Variants in CTNNA3 observed in about 807,000 individuals in gnomAD.
The protein encoded by CTNNA3 is catenin alpha-3.
A neutral mutation model predicts 95.7 loss-of-function variants in CTNNA3; 76 were observed. The observed-to-expected ratio is 0.79, with a 90% CI of 0.66 to 0.96. The LOEUF is 0.96. Ranked by LOEUF, CTNNA3 falls within the 40% of genes least tolerant of loss-of-function variation. CTNNA3 has a pLI of 0.00. For missense variants in CTNNA3, 1,191 were observed against 1,089.8 expected (o/e 1.09, Z -1.31); for synonymous variants, 431 against 374.4 (o/e 1.15, Z -1.74).
chr10:66,597,325 T>G (rs970961062), intron 10 of CTNNA3, among the ~76,000 whole-genome samples: 5 of 151,104 alleles, frequency 3.3e-5, no homozygotes, highest in African/African-American at 1.2e-4. Context: ...CCCAAAGGAT[T>G]CATAAAAAAG....
rs564789956 is a variant in CTNNA3 at position 66,212,570 on chromosome 10, C to T, written c.1884+67900G>A. Reference sequence around the variant, plus strand: ...TTTTTTGATGCTTTTGAAGAGGGTGCAACAAAGTAATTGAGGGCAAATGCT... The same window carrying T: ...TTTTTTGATGCTTTTGAAGAGGGTGTAACAAAGTAATTGAGGGCAAATGCT... On this transcript the variant is annotated intron_variant, in intron 13 of 17. Transcript: ENST00000433211. 4.6e-3 allele frequency among the ~76,000 whole-genome samples: 703 copies of T among 151,904 alleles called. 2 individuals carry two copies. Among genetic ancestry groups the T allele is most frequent in the Non-Finnish European group, 6.5e-3 (443 of 67,990 alleles).
chr10:67,026,459 T>C (rs191444021), intron 7 of CTNNA3, among the ~76,000 whole-genome samples: 2 of 151,878 alleles, frequency 1.3e-5, no homozygotes, highest in Non-Finnish European at 2.9e-5. Context: ...CAAAATAATA[T>C]AACAAAACAA....
intron 13 of CTNNA3, among the ~76,000 whole-genome samples, chr10:66,259,518 G>A (rs1303823774): frequency 6.6e-6 from 1 of 152,022 alleles, no homozygotes; most frequent in East Asian, 1.9e-4. Flanking sequence ...TCTTATCTGA[G>A]GAATTTAGAA....
At chr10:67,292,822 G>A (rs911509372) in intron 5 of CTNNA3, among the ~76,000 whole-genome samples, 1 of 152,084 alleles carries the variant, frequency 6.6e-6, no homozygotes, top group African/African-American at 2.4e-5. Flanking sequence ...AATCATTGTG[G>A]TTTGAGATGT....
At chr10:66,362,570 G>A (rs902460942) in intron 12 of CTNNA3, among the ~76,000 whole-genome samples, 7 of 151,910 alleles carry the variant, frequency 4.6e-5, no homozygotes, top group Admixed American at 1.3e-4. Context: ...AAAATTAGCC[G>A]GGTGTGGTGG....
intron 2 of CTNNA3, among the ~76,000 whole-genome samples, chr10:67,613,748 G>A (rs1843544743): frequency 6.6e-6 from 1 of 151,224 alleles, no homozygotes; most frequent in Non-Finnish European, 1.5e-5. Flanking sequence ...AGTTTTCTAG[G>A]GCTGCCATAA....
At chr10:67,436,397 T>C (rs1846300152) in intron 5 of CTNNA3, among the ~76,000 whole-genome samples, 1 of 152,104 alleles carries the variant, frequency 6.6e-6, no homozygotes, top group Admixed American at 6.6e-5. Context: ...AAAACCCTTC[T>C]AGACATTGGC....
chr10:66,742,172 C>T lies in CTNNA3; in HGVS notation c.1281+24092G>A, dbSNP rs1050022861. On this transcript the variant is annotated intron_variant, in intron 9 of 17. Transcript: ENST00000433211. ...CAGCAAGGAACGTCCCTGAGAAAGACAATGTGTCCCTGAGGGGAAGCCTCT... is the reference window on the plus strand; with the variant it reads ...CAGCAAGGAACGTCCCTGAGAAAGATAATGTGTCCCTGAGGGGAAGCCTCT... Among the ~76,000 whole-genome samples, 6 of 152,092 alleles carry T rather than the reference C, an allele frequency of 3.9e-5. No homozygotes were observed. The South Asian group carries it at 6.2e-4, about 16-fold the overall frequency.
At chr10:66,329,295 G>T (rs2132312439) in intron 12 of CTNNA3, among the ~76,000 whole-genome samples, 1 of 151,812 alleles carries the variant, frequency 6.6e-6, no homozygotes, top group South Asian at 2.1e-4. Flanking sequence ...CTCTATTCTG[G>T]GACCTCAATA....
intron 5 of CTNNA3, among the ~76,000 whole-genome samples, chr10:67,243,967 G>A (rs1865811770): frequency 1.3e-5 from 2 of 152,188 alleles, no homozygotes. Flanking sequence ...ATAGGAACTA[G>A]CTGAGAGTAA....
chr10:67,457,778 A>AG (rs1250133892), intron 5 of CTNNA3, among the ~76,000 whole-genome samples: 2 of 152,084 alleles, frequency 1.3e-5, no homozygotes, highest in Non-Finnish European at 2.9e-5. Flanking sequence ...CTGTTCTCAA[A>AG]GCCAGCAACA....
chr10:66,544,344 T>G (rs560454627), intron 10 of CTNNA3, among the ~76,000 whole-genome samples: 48 of 152,146 alleles, frequency 3.2e-4, no homozygotes, highest in African/African-American at 1.2e-3. Flanking sequence ...ATCCTAAAGC[T>G]TGAGAAGACC....
chr10:67,637,038 A>G (rs148696323), intron 2 of CTNNA3, among the ~76,000 whole-genome samples: 1 of 149,686 alleles, frequency 6.7e-6, no homozygotes, highest in African/African-American at 2.6e-5. Context: ...AGTTGAGAGA[A>G]GAAGACTTCA....
chr10:67,389,226 C>T (rs537154752), intron 5 of CTNNA3, among the ~76,000 whole-genome samples: 1 of 151,590 alleles, frequency 6.6e-6, no homozygotes, highest in African/African-American at 2.4e-5. Context: ...ATCTACCAAG[C>T]AAATGGAAAA....
intron 6 of CTNNA3, among the ~76,000 whole-genome samples, chr10:67,183,051 G>A (rs964981588): frequency 1.3e-5 from 2 of 152,194 alleles, no homozygotes; most frequent in South Asian, 4.1e-4. Context: ...AGGTGCTGGA[G>A]AGGATATGGA....
chr10:67,564,076 A>T (rs28834187), intron 3 of CTNNA3, among the ~76,000 whole-genome samples: 1 of 149,806 alleles, frequency 6.7e-6, no homozygotes, highest in African/African-American at 2.5e-5. Context: ...ATTGTCGAAG[A>T]CAGTGTGGCG....
At chr10:66,208,942 T>G (rs907813407) in intron 13 of CTNNA3, among the ~76,000 whole-genome samples, 1 of 151,966 alleles carries the variant, frequency 6.6e-6, no homozygotes, top group African/African-American at 2.4e-5. Flanking sequence ...ACCAAAACCA[T>G]CCTAAGAATA....
intron 9 of CTNNA3, among the ~76,000 whole-genome samples, chr10:66,709,634 C>T (rs1172908655): frequency 6.6e-6 from 1 of 151,984 alleles, no homozygotes; most frequent in African/African-American, 2.4e-5. Context: ...ATATTGATTA[C>T]AAAAGTATGA....
chr10:66,179,033 C>T (rs111628505), intron 13 of CTNNA3, among the ~76,000 whole-genome samples: 7,179 of 151,962 alleles, frequency 0.047, 212 homozygotes, highest in African/African-American at 0.066. Context: ...ATTACATAAT[C>T]AGCAATTGCC....
Sources: allele counts gnomAD v4.1 joint callset (sites outside exome capture counted in the v4.1 genomes callset), GRCh38; gene constraint gnomAD v4.1.1; transcripts MANE v1.5; gene names NCBI Gene and HGNC (gene_info 2026-07-23, HGNC 2026-07-21).